Variants in BRD1 observed in about 807,000 individuals in gnomAD.
The protein encoded by BRD1 is bromodomain containing 1.
A neutral mutation model predicts 107.7 loss-of-function variants in BRD1; 24 were observed. The ratio of observed to expected loss-of-function variants is 0.22; its 90% CI spans 0.16 to 0.31. The LOEUF is 0.31. BRD1 is among the 10% of genes least tolerant of loss of function. The pLI is 1.00. For synonymous variants in BRD1, 744 were observed against 686.1 expected (o/e 1.08, Z -1.32); for missense variants, 1,279 against 1,638.6 (o/e 0.78, Z 3.79).
chr22:49,776,024 G>A (rs777588292), intron 11 of BRD1, 26 bp downstream of exon 11: 132 of 1,453,768 alleles, frequency 9.1e-5, no homozygotes, highest in South Asian at 1.1e-4. Context: ...CTCTGGACCC[G>A]CAGGCGCCAC....
chr22:49,775,095 G>A (rs1461816847), intron 12 of BRD1, among the ~76,000 whole-genome samples: 1 of 152,202 alleles, frequency 6.6e-6, no homozygotes, highest in East Asian at 1.9e-4. Context: ...TGGCACATGA[G>A]GGTCCCAGAC....
intron 8 of BRD1, among the ~76,000 whole-genome samples, chr22:49,786,547 G>A (rs1046608848): frequency 1.3e-5 from 2 of 152,194 alleles, no homozygotes; most frequent in African/African-American, 4.8e-5. Context: ...GGCTAAGAGG[G>A]CCACATAAAA....
At chr22:49,822,489 C>CT (rs1347315177) in intron 2 of BRD1, among the ~76,000 whole-genome samples, 1 of 151,718 alleles carries the variant, frequency 6.6e-6, no homozygotes, top group African/African-American at 2.4e-5. Context: ...GGGCAGATCA[C>CT]TTGAGGTCAG....
chr22:49,799,199 C>A, intron 3 of BRD1, 80 bp from the exon 4 acceptor site: 4 of 1,537,584 alleles, frequency 2.6e-6, no homozygotes, highest in Non-Finnish European at 3.5e-6. Context: ...CAGGTGAGAC[C>A]CCAAGAGGCA....
At chr22:49,791,753 C>G (rs1395134591) in intron 7 of BRD1, among the ~76,000 whole-genome samples, 2 of 151,856 alleles carry the variant, frequency 1.3e-5, no homozygotes, top group Non-Finnish European at 2.9e-5. Context: ...AGACCCCCAA[C>G]TTCTCTGAGG....
chr22:49,818,483 T>A (rs893047517), intron 2 of BRD1: 3 of 740,134 alleles, frequency 4.1e-6, no homozygotes, highest in Non-Finnish European at 5.1e-6. Flanking sequence ...TTTCACCCCA[T>A]GTATGAACTC....
chr22:49,801,324 A>T (rs2059636635), intron 3 of BRD1, among the ~76,000 whole-genome samples: 1 of 152,240 alleles, frequency 6.6e-6, no homozygotes, highest in South Asian at 2.1e-4. Context: ...CAGCCAGCAC[A>T]GACCCGCCAT....
chr22:49,823,513 C>T lies in BRD1; in HGVS notation c.805G>A (p.Ala269Thr), dbSNP rs555085765. Reference protein sequence around the residue: ...RHCLQSRARPADCVLCPNKGG... With the variant: ...RHCLQSRARPTDCVLCPNKGG... The stretch of plus-strand genomic sequence containing the variant: ...TTGTTGGGGCACAGCACACAGTCGG[C>T]GGGCCGGGCCCGCGACTGCAGGCAG... The change falls in exon 2 of 13, where the codon GCC (alanine) becomes ACC (threonine). Residue 269 changes from alanine (A) to threonine (T), a missense_variant. By Grantham distance (58) the Ala-to-Thr change is moderately conservative. This residue lies in a region of BRD1 where 158 missense variants were observed against 310.2 expected (regional missense o/e 0.51). Transcript: ENST00000404760. 4 of 1,601,884 alleles carry T rather than the reference C, an allele frequency of 2.5e-6. No homozygotes were observed. The highest frequency in any genetic ancestry group is 3.4e-6 in the Non-Finnish European group (4 of 1,174,252).
At chr22:49,775,822 C>CA (rs1166996753) in intron 11 of BRD1, 77 bp from the exon 12 acceptor site, 1 of 1,368,018 alleles carries the variant, frequency 7.3e-7, no homozygotes, top group Non-Finnish European at 9.6e-7. Flanking sequence ...GGCACCCCCC[C>CA]CCGCCTCCCC....
At chr22:49,810,573 C>T (rs2147265763) in intron 2 of BRD1, among the ~76,000 whole-genome samples, 1 of 152,286 alleles carries the variant, frequency 6.6e-6, no homozygotes, top group South Asian at 2.1e-4. Flanking sequence ...ATTTGCAAGT[C>T]ATGTATCTAA....
intron 11 of BRD1, 117 bp downstream of exon 11, chr22:49,775,925 ACCCCGCCC>A: frequency 9.8e-7 from 1 of 1,022,932 alleles, no homozygotes; most frequent in Non-Finnish European, 1.4e-6. Context: ...CCTCTGACCA[ACCCCGCCC>A]CCCCGCCAGC....
chr22:49,818,397 T>C, intron 2 of BRD1: 1 of 1,171,346 alleles, frequency 8.5e-7, no homozygotes, highest in African/African-American at 1.6e-5. Context: ...GGAGTTTTGT[T>C]AAACAGATTA....
Position 49,787,596 on chromosome 22 carries a change from A to T in BRD1, c.2651T>A (p.Leu884His). 6.4e-7 allele frequency: 1 copy of T among 1,557,526 alleles called. No individual in the cohort carries two copies. Among genetic ancestry groups the T allele is most frequent in the Non-Finnish European group, 8.7e-7 (1 of 1,150,224 alleles). ...GCTTACACTTTTCGATTTGCAGAAG[A>T]GAACAGAAGTGCGTCTGTTTACATC... ...ASDVNRRTSV[L>H]FCKSKSVSPP... The change falls in exon 8 of 13, where the codon CTC becomes CAC. Residue 884 changes from leucine to histidine, a missense_variant. Leu to His is a moderately conservative substitution (Grantham distance 99). Transcript: ENST00000404760.
rs1424378958 is a variant in BRD1 at position 49,774,224 on chromosome 22, GC to G, written c.*8del. 3.1e-6 allele frequency: 5 copies of G among 1,610,854 alleles called. No individual in the cohort carries two copies. The Admixed American group carries it at 8.4e-5, about 27-fold the overall frequency. Reference sequence around the variant, plus strand: ...ACTATGGACAAGACCCGCGCTGGCGGCCGGGCCGTCAGTCAATGTCACTGAG... The same window carrying G: ...ACTATGGACAAGACCCGCGCTGGCGGCGGGCCGTCAGTCAATGTCACTGAG... On this transcript the variant is annotated 3_prime_UTR_variant, in exon 13 of 13. Coordinates refer to ENST00000404760, the MANE Select transcript of BRD1 (RefSeq NM_001304808.3).
At chr22:49,798,447 A>C (rs1295899726) in intron 5 of BRD1, 111 bp downstream of exon 5, 1 of 1,515,366 alleles carries the variant, frequency 6.6e-7, no homozygotes, top group African/African-American at 1.4e-5. Context: ...AAAAACGAGA[A>C]TTAAGAACAC....
chr22:49,819,888 G>T (rs2060031358), intron 2 of BRD1, among the ~76,000 whole-genome samples: 1 of 152,102 alleles, frequency 6.6e-6, no homozygotes, highest in Non-Finnish European at 1.5e-5. Context: ...CCAGCACTTT[G>T]GGAGTTCGAG....
chr22:49,790,023 A>G (rs1011055375), intron 7 of BRD1, among the ~76,000 whole-genome samples: 1 of 152,138 alleles, frequency 6.6e-6, no homozygotes, highest in African/African-American at 2.4e-5. Flanking sequence ...CGGCAGCTCC[A>G]CATGCAGGCC....
Position 49,777,098 on chromosome 22 carries a change from G to GTCCTCCAGC in BRD1, c.3048_3056dup (p.Glu1018_Asp1019insGluLeuGlu). ...CGATGCAGGAGATCAGCTCACTGCGGTCCTCCAGCGTGTGCCGTCGCACAA... is the reference window on the plus strand; with the variant it reads ...CGATGCAGGAGATCAGCTCACTGCGGTCCTCCAGCTCCTCCAGCGTGTGCCGTCGCACAA... On this transcript the variant is annotated inframe_insertion, in exon 10 of 13. Transcript: ENST00000404760. The GTCCTCCAGC allele has an allele frequency of 6.2e-7, 1 of 1,613,386 alleles. No individual in the cohort carries two copies. The highest frequency in any genetic ancestry group is 2.2e-5 in the East Asian group (1 of 44,884).
In BRD1 at chr22:49,787,820, A is replaced by T; in HGVS notation, c.2427T>A (p.Asn809Lys). 6.4e-7 allele frequency: 1 copy of T among 1,550,790 alleles called. No individual in the cohort carries two copies. Reference protein sequence around the residue: ...ALPLPSNSETNSEPPTLKPVE... With the variant: ...ALPLPSNSETKSEPPTLKPVE... ...CTGGTTTGAGGGTTGGTGGTTCTGA[A>T]TTAGTCTCCGAGTTTGAAGGAAGAG... The change falls in exon 8 of 13, where the codon AAT (asparagine) becomes AAA (lysine). Residue 809 changes from asparagine to lysine, a missense_variant. This residue lies in a region of BRD1 where 406 missense variants were observed against 519.4 expected (regional missense o/e 0.78). Transcript: ENST00000404760.
Sources: allele counts gnomAD v4.1 joint callset (sites outside exome capture counted in the v4.1 genomes callset), GRCh38; gene constraint gnomAD v4.1.1; regional missense constraint gnomAD v4.1.1; transcripts MANE v1.5; gene names NCBI Gene and HGNC (gene_info 2026-07-23, HGNC 2026-07-21).